CCSER1: variants seen among roughly 807,000 people sequenced by gnomAD.
CCSER1 encodes coiled-coil serine rich protein 1.
In CCSER1, 41 loss-of-function variants were observed where a neutral mutation model predicts 82.0. The ratio of observed to expected loss-of-function variants is 0.50; its 90% confidence interval spans 0.39 to 0.65. CCSER1 has a LOEUF of 0.65. CCSER1 is among the 30% of genes least tolerant of loss of function. The probability of loss-of-function intolerance (pLI) is 0.00; values close to 1 mark genes in which losing one functional copy is unlikely to be tolerated. For synonymous variants in CCSER1, 414 were observed against 383.9 expected (o/e 1.08, Z -0.92); for missense variants, 1,119 against 1,064.2 (o/e 1.05, Z -0.72).
chr4:91,455,525 G>A (rs983052829), intron 10 of CCSER1, among the ~76,000 whole-genome samples: 1 of 151,978 alleles, frequency 6.6e-6, no homozygotes, highest in African/African-American at 2.4e-5. Context: ...CAGACAGCAA[G>A]GCCTCATTAG....
rs1198088087 is a variant in CCSER1 at position 91,508,561 on chromosome 4, T to G, written c.2218-90011T>G. The stretch of plus-strand genomic sequence containing the variant: ...CAATAAAAGTTACTGGTCTGTAGTT[T>G]TTTTTTTTTTTTCACATGAAGTCTT... On this transcript the variant is annotated intron_variant, in intron 10 of 10. Coordinates refer to ENST00000509176, the MANE Select transcript of CCSER1 (RefSeq NM_001145065.2). Among the ~76,000 whole-genome samples the G allele has an allele frequency of 6.8e-5, 9 of 132,628 alleles. 1 individual carries two copies. Among genetic ancestry groups the G allele is most frequent in the African/African-American group, 2.5e-4 (9 of 35,504 alleles). The allele number at this position is 132,628 out of a possible 152,430, so 87.0% of individuals were successfully genotyped here. A position where few individuals can be genotyped will look rare whatever the true frequency, so the allele number is the denominator to read the frequency against.
At chr4:90,896,602 C>T (rs1184897134) in intron 8 of CCSER1, among the ~76,000 whole-genome samples, 1 of 151,758 alleles carries the variant, frequency 6.6e-6, no homozygotes, top group Non-Finnish European at 1.5e-5. Flanking sequence ...TGCTAGTAAG[C>T]CAGTATGAAC....
At chr4:90,133,433 G>A (rs1723134849) in intron 1 of CCSER1, among the ~76,000 whole-genome samples, 2 of 152,084 alleles carry the variant, frequency 1.3e-5, no homozygotes, top group Admixed American at 1.3e-4. Context: ...TAGTTTTGTT[G>A]ACTCTCCTGT....
intron 9 of CCSER1, among the ~76,000 whole-genome samples, chr4:91,007,615 T>C (rs1306889642): frequency 6.6e-6 from 1 of 151,970 alleles, no homozygotes; most frequent in Non-Finnish European, 1.5e-5. Context: ...CTGGTTCTAT[T>C]TATTTGTCTT....
chr4:91,411,491 C>CATATATATATATATAT (rs770013398), intron 10 of CCSER1, among the ~76,000 whole-genome samples: 2,149 of 52,804 alleles, frequency 0.041, 230 homozygotes, highest in East Asian at 0.073. Flanking sequence ...TGCATATATA[C>CATATATATATATATAT]ATATATATAT....
At chr4:91,025,851 G>A (rs1320230405) in intron 9 of CCSER1, among the ~76,000 whole-genome samples, 1 of 151,954 alleles carries the variant, frequency 6.6e-6, no homozygotes, top group South Asian at 2.1e-4. Context: ...TGTGTGTTTG[G>A]TTTTGATTTT....
chr4:90,542,361 G>T (rs778288273), intron 5 of CCSER1, among the ~76,000 whole-genome samples: 3 of 152,046 alleles, frequency 2.0e-5, no homozygotes, highest in Non-Finnish European at 2.9e-5. Context: ...TGGAGTTTTC[G>T]CTCAGCAGGA....
intron 6 of CCSER1, among the ~76,000 whole-genome samples, chr4:90,647,643 A>C (rs1330783615): frequency 6.6e-6 from 1 of 152,218 alleles, no homozygotes; most frequent in Non-Finnish European, 1.5e-5. Flanking sequence ...AATTAAAAAA[A>C]TAGTAGTGTA....
At chr4:91,588,495 T>C (rs1764117550) in intron 10 of CCSER1, among the ~76,000 whole-genome samples, 2 of 151,796 alleles carry the variant, frequency 1.3e-5, no homozygotes. Context: ...TTTTGTACTA[T>C]AATTAATTCC....
chr4:91,455,714 C>G lies in CCSER1; in HGVS notation c.2218-142858C>G, dbSNP rs779986841. ...ATGCCTTTTCTTTGGAGTTGAAACT[C>G]CCAGCACTATGCCTGAAATATAATT... On this transcript the variant is annotated intron_variant, in intron 10 of 10. Transcript: ENST00000509176. Among the ~76,000 whole-genome samples, 3 of 152,126 alleles carry G rather than the reference C, an allele frequency of 2.0e-5. No individual in the cohort carries two copies. The East Asian group carries it at 5.8e-4, about 29-fold the overall frequency.
intron 10 of CCSER1, among the ~76,000 whole-genome samples, chr4:91,589,161 T>G (rs1209040115): frequency 6.6e-6 from 1 of 152,018 alleles, no homozygotes; most frequent in East Asian, 1.9e-4. Context: ...TACTGTATTT[T>G]TATTTCACTT....
intron 9 of CCSER1, among the ~76,000 whole-genome samples, chr4:91,056,117 G>T (rs1032522412): frequency 6.6e-6 from 1 of 151,726 alleles, no homozygotes; most frequent in African/African-American, 2.4e-5. Context: ...CATGTCTTTA[G>T]TTCTTTGAGC....
chr4:91,432,821 G>C (rs1754409864), intron 10 of CCSER1, among the ~76,000 whole-genome samples: 1 of 152,168 alleles, frequency 6.6e-6, no homozygotes, highest in African/African-American at 2.4e-5. Flanking sequence ...GTTGATTGTA[G>C]TCATTTTTAA....
At chr4:91,242,069 C>T (rs1739415595) in intron 10 of CCSER1, among the ~76,000 whole-genome samples, 5 of 151,996 alleles carry the variant, frequency 3.3e-5, no homozygotes, top group African/African-American at 4.8e-5. Flanking sequence ...AGAGGAAAAC[C>T]TCTTTAAACT....
chr4:91,314,674 A>G (rs768045242), intron 10 of CCSER1, among the ~76,000 whole-genome samples: 5 of 151,884 alleles, frequency 3.3e-5, no homozygotes, highest in Non-Finnish European at 7.4e-5. Flanking sequence ...CCACTTTTCC[A>G]AGAGTGCTCC....
At chr4:90,276,261 TCC>T (rs1727714572) in intron 1 of CCSER1, among the ~76,000 whole-genome samples, 1 of 110,706 alleles carries the variant, frequency 9.0e-6, no homozygotes, top group African/African-American at 3.9e-5. Flanking sequence ...TTTCCTTCCT[TCC>T]TTCCTTCCTT....
chr4:91,585,180 T>C (rs1578856867), intron 10 of CCSER1, among the ~76,000 whole-genome samples: 2 of 151,672 alleles, frequency 1.3e-5, no homozygotes, highest in East Asian at 3.9e-4. Context: ...GTAAGTTTAA[T>C]ACTAGTAGTT....
At chr4:90,968,777 C>T (rs888883859) in intron 9 of CCSER1, among the ~76,000 whole-genome samples, 5 of 151,732 alleles carry the variant, frequency 3.3e-5, no homozygotes, top group Admixed American at 1.3e-4. Context: ...CACAAAAACT[C>T]AAGGAAACAT....
chr4:91,346,308 C>A (rs1748053366), intron 10 of CCSER1, among the ~76,000 whole-genome samples: 1 of 152,136 alleles, frequency 6.6e-6, no homozygotes, highest in African/African-American at 2.4e-5. Context: ...AGCCACGGCG[C>A]CTGGTCTTAT....
Sources: gnomAD v4.1 joint callset for allele counts (sites outside exome capture counted in the v4.1 genomes callset) on GRCh38, gnomAD v4.1.1 for gene constraint, MANE v1.5 for transcripts, NCBI Gene and HGNC (gene_info 2026-07-23, HGNC 2026-07-21) for gene names.